The following FBXL20 variants were observed in gnomAD, a reference collection of about 807,000 sequenced individuals.
FBXL20 encodes the protein F-box and leucine rich repeat protein 20, also known as F-box/LRR-repeat protein 20.
Under a neutral mutation model 64.0 loss-of-function variants are expected in FBXL20, and 11 were observed. That is an observed-to-expected ratio of 0.17 (90% confidence interval 0.11 to 0.28). The LOEUF (loss-of-function observed/expected upper bound fraction) is 0.28. FBXL20 is among the 10% of genes least tolerant of loss of function. The pLI is 1.00. For synonymous variants in FBXL20, 184 were observed against 189.0 expected (o/e 0.97, Z 0.22); for missense variants, 303 against 526.2 (o/e 0.58, Z 4.15).
At chr17:39,375,267 T>G (rs1185349455) in intron 1 of FBXL20, among the ~76,000 whole-genome samples, 1 of 152,140 alleles carries the variant, frequency 6.6e-6, no homozygotes, top group Non-Finnish European at 1.5e-5. Flanking sequence ...TACATTTACT[T>G]TTGTATAACT....
At chr17:39,273,391 C>T (rs929424926) in intron 10 of FBXL20, among the ~76,000 whole-genome samples, 17 of 152,278 alleles carry the variant, frequency 1.1e-4, no homozygotes, top group Middle Eastern at 6.8e-3. Context: ...TATAGCTTTA[C>T]AATGATTATT....
At chr17:39,374,365 C>T (rs996811373) in intron 1 of FBXL20, among the ~76,000 whole-genome samples, 6 of 151,182 alleles carry the variant, frequency 4.0e-5, no homozygotes, top group Non-Finnish European at 7.4e-5. Flanking sequence ...CCCGTCTCTA[C>T]TAAAAATACA....
chr17:39,292,362 T>C (rs938303890), intron 6 of FBXL20, among the ~76,000 whole-genome samples: 1 of 150,778 alleles, frequency 6.6e-6, no homozygotes, highest in African/African-American at 2.5e-5. Context: ...TTTGTAATTG[T>C]TATTTAAAAT....
At chr17:39,271,320 G>T (rs556958060) in intron 10 of FBXL20, among the ~76,000 whole-genome samples, 1 of 152,132 alleles carries the variant, frequency 6.6e-6, no homozygotes, top group African/African-American at 2.4e-5. Context: ...GTGACAGGCC[G>T]GGCATGGTGG....
chr17:39,367,671 C>T (rs897195259), intron 1 of FBXL20, among the ~76,000 whole-genome samples: 1 of 151,976 alleles, frequency 6.6e-6, no homozygotes, highest in Non-Finnish European at 1.5e-5. Context: ...TTTGACTTTA[C>T]TTCCAAATTT....
At chr17:39,280,488 A>G (rs1272127438) in intron 9 of FBXL20, among the ~76,000 whole-genome samples, 1 of 151,456 alleles carries the variant, frequency 6.6e-6, no homozygotes, top group African/African-American at 2.4e-5. Context: ...GCTTGAGCCT[A>G]GGAGGTGGAG....
chr17:39,386,214 G>A (rs1015308114), intron 1 of FBXL20, among the ~76,000 whole-genome samples: 17 of 151,876 alleles, frequency 1.1e-4, no homozygotes, highest in Non-Finnish European at 1.5e-4. Flanking sequence ...GGCTGAGGCA[G>A]GAGAATCTCT....
At position 39,384,882 on chromosome 17, in the gene FBXL20, G is replaced by A. The variant is rs1004427023; in HGVS notation, c.42+16479C>T. Among the ~76,000 whole-genome samples, 7 of 151,498 alleles carry A rather than the reference G, an allele frequency of 4.6e-5. No individual in the cohort carries two copies. In the East Asian group the frequency reaches 5.9e-4, roughly 13 times the overall value. ...GGATAATCACGTGAACCTGAGAAGCGGAGGTTGCAGTGAGCCAAGATCACG... is the reference window on the plus strand; with the variant it reads ...GGATAATCACGTGAACCTGAGAAGCAGAGGTTGCAGTGAGCCAAGATCACG... On this transcript the variant is annotated intron_variant, in intron 1 of 14. Transcript: ENST00000264658.
intron 1 of FBXL20, among the ~76,000 whole-genome samples, chr17:39,374,852 T>A (rs1485105368): frequency 6.6e-6 from 1 of 152,096 alleles, no homozygotes; most frequent in African/African-American, 2.4e-5. Flanking sequence ...AGTAGCGTGA[T>A]CTCGGCTCAC....
At chr17:39,266,225 T>TG (rs1045690622) in intron 12 of FBXL20, among the ~76,000 whole-genome samples, 13 of 145,342 alleles carry the variant, frequency 8.9e-5, no homozygotes, top group African/African-American at 3.0e-4. Flanking sequence ...AGTTTGTTGT[T>TG]TTTTTTTTTT....
intron 1 of FBXL20, among the ~76,000 whole-genome samples, chr17:39,356,031 T>C (rs373952189): frequency 9.2e-5 from 14 of 151,644 alleles, no homozygotes; most frequent in East Asian, 5.9e-4. Context: ...CTGGCCAACA[T>C]GGTGAAACCC....
At chr17:39,397,472 T>C (rs1425724203) in intron 1 of FBXL20, among the ~76,000 whole-genome samples, 4 of 152,168 alleles carry the variant, frequency 2.6e-5, no homozygotes, top group African/African-American at 9.7e-5. Flanking sequence ...AATGTTAGGC[T>C]TTTTAATAAA....
In FBXL20 at chr17:39,253,837, G is replaced by A. The variant is rs984968391; in HGVS notation, c.*7623C>T. ...GAAAGAAAATTATTTGTCCACAGGG[G>A]AAAAAAGTAATCAAATCATGCCAGT... On this transcript the variant is annotated 3_prime_UTR_variant, in exon 15 of 15. Transcript: ENST00000264658. 2 of 151,822 alleles carry A rather than the reference G, an allele frequency of 1.3e-5. No homozygotes were observed. Among genetic ancestry groups the A allele is most frequent in the African/African-American group, 4.8e-5 (2 of 41,314 alleles). The allele number at this position is 151,822 out of a possible 1,614,324, so 9.4% of individuals were successfully genotyped here.
At chr17:39,321,735 G>A (rs1306749569) in intron 2 of FBXL20, among the ~76,000 whole-genome samples, 1 of 150,852 alleles carries the variant, frequency 6.6e-6, no homozygotes, top group African/African-American at 2.4e-5. Context: ...AGCCAAGACT[G>A]GGCCATTGCA....
At chr17:39,308,184 C>T (rs2047200269) in intron 2 of FBXL20, among the ~76,000 whole-genome samples, 1 of 151,012 alleles carries the variant, frequency 6.6e-6, no homozygotes. Flanking sequence ...TGCCATGTTG[C>T]CCAGGCTGGT....
intron 2 of FBXL20, among the ~76,000 whole-genome samples, chr17:39,306,210 G>A (rs1475342901): frequency 6.8e-6 from 1 of 147,780 alleles, no homozygotes; most frequent in Admixed American, 6.8e-5. Flanking sequence ...GAGTGCAGTG[G>A]CACCATCTCG....
chr17:39,269,685 T>G (rs1459044789), intron 11 of FBXL20, among the ~76,000 whole-genome samples: 1 of 150,856 alleles, frequency 6.6e-6, no homozygotes, highest in Non-Finnish European at 1.5e-5. Context: ...TTTAGTAAAG[T>G]CAGGGTTTCT....
chr17:39,294,530 G>A (rs1348564752), intron 6 of FBXL20, among the ~76,000 whole-genome samples: 2 of 152,068 alleles, frequency 1.3e-5, no homozygotes, highest in Non-Finnish European at 2.9e-5. Flanking sequence ...GCCTCTCAAA[G>A]TGCTGGGATT....
At chr17:39,315,442 C>T (rs972660151) in intron 2 of FBXL20, among the ~76,000 whole-genome samples, 2 of 142,498 alleles carry the variant, frequency 1.4e-5, no homozygotes, top group East Asian at 2.0e-4. Flanking sequence ...TATATAGGTA[C>T]ACGTTTTCTT....
Sources: gnomAD v4.1 joint callset for allele counts (sites outside exome capture counted in the v4.1 genomes callset) on GRCh38, gnomAD v4.1.1 for gene constraint, MANE v1.5 for transcripts, NCBI Gene and HGNC (gene_info 2026-07-23, HGNC 2026-07-21) for gene names.